The following NCAM2 variants were observed in gnomAD, a reference collection of about 807,000 sequenced individuals.
NCAM2 encodes N-CAM-2.
NCAM2 carries 30 observed loss-of-function variants against 98.1 expected under a neutral mutation model. The ratio of observed to expected loss-of-function variants is 0.31; its 90% confidence interval spans 0.23 to 0.41. The LOEUF is 0.41. Ranked by LOEUF, NCAM2 falls within the 10% of genes least tolerant of loss-of-function variation. NCAM2 has a pLI of 1.00. For synonymous variants in NCAM2, 368 were observed against 342.4 expected, an observed-to-expected ratio of 1.07 and a Z score of -0.83; for missense variants, 867 against 1,005.8, an observed-to-expected ratio of 0.86 and a Z score of 1.87.
At chr21:21,313,069 AT>A (rs1332508146) in intron 5 of NCAM2, among the ~76,000 whole-genome samples, 1 of 151,858 alleles carries the variant, frequency 6.6e-6, no homozygotes. Context: ...CTGTGCTGAT[AT>A]CTCTTCTTTC....
intron 1 of NCAM2, among the ~76,000 whole-genome samples, chr21:21,075,057 A>C (rs780883275): frequency 6.6e-6 from 1 of 152,146 alleles, no homozygotes; most frequent in Non-Finnish European, 1.5e-5. Context: ...TGAAGCTGGA[A>C]ACCATCATTC....
intron 1 of NCAM2, among the ~76,000 whole-genome samples, chr21:21,141,472 C>T (rs921409835): frequency 6.6e-6 from 1 of 152,074 alleles, no homozygotes; most frequent in Non-Finnish European, 1.5e-5. Context: ...ACCAGTGATA[C>T]CAGAAAGGCA....
At chr21:21,446,756 A>G (rs1393854202) in intron 12 of NCAM2, among the ~76,000 whole-genome samples, 2 of 152,132 alleles carry the variant, frequency 1.3e-5, no homozygotes, top group Non-Finnish European at 2.9e-5. Flanking sequence ...TTACACCAAC[A>G]GTAGACAAGC....
intron 16 of NCAM2, among the ~76,000 whole-genome samples, chr21:21,530,179 T>C (rs1258938871): frequency 3.7e-5 from 5 of 134,364 alleles, no homozygotes; most frequent in South Asian, 2.2e-4. Flanking sequence ...TTTAATTATA[T>C]ATGATTTAAT....
At chr21:21,212,892 G>A (rs1302828842) in intron 1 of NCAM2, among the ~76,000 whole-genome samples, 9 of 151,894 alleles carry the variant, frequency 5.9e-5, no homozygotes, top group East Asian at 1.9e-4. Flanking sequence ...ACAGGTACCC[G>A]ACACCACGTG....
chr21:21,467,714 T>C (rs1983903481), intron 13 of NCAM2, among the ~76,000 whole-genome samples: 1 of 151,446 alleles, frequency 6.6e-6, no homozygotes, highest in African/African-American at 2.4e-5. Flanking sequence ...CAGCTGGGTG[T>C]GGTGGTATGC....
intron 1 of NCAM2, among the ~76,000 whole-genome samples, chr21:21,124,487 C>G (rs974964806): frequency 6.6e-6 from 1 of 151,972 alleles, no homozygotes; most frequent in Non-Finnish European, 1.5e-5. Context: ...GGTCAGCTTT[C>G]GAGGGCTACA....
chr21:21,245,107 A>T (rs907094244), intron 1 of NCAM2, among the ~76,000 whole-genome samples: 1 of 152,074 alleles, frequency 6.6e-6, no homozygotes, highest in African/African-American at 2.4e-5. Flanking sequence ...TCATTTTTCT[A>T]TGTGGCGGCC....
rs116142310 is a variant in NCAM2, at chr21:21,377,127, C to G, written c.1195+3114C>G. Among the ~76,000 whole-genome samples, 1,236 of 151,608 alleles carry G rather than the reference C, an allele frequency of 8.2e-3. 17 individuals carry two copies. Among genetic ancestry groups the G allele is most frequent in the African/African-American group, 0.029 (1,186 of 41,438 alleles). ...CCAAAATGAAACATTCAAATTTATTCTACTTGAGTGGGGATAATTAGAAAA... is the reference window on the plus strand; with the variant it reads ...CCAAAATGAAACATTCAAATTTATTGTACTTGAGTGGGGATAATTAGAAAA... On this transcript the variant is annotated intron_variant, in intron 9 of 17. Coordinates refer to ENST00000400546, the MANE Select transcript of NCAM2 (RefSeq NM_004540.5).
chr21:21,331,778 G>C (rs975808472), intron 6 of NCAM2, among the ~76,000 whole-genome samples: 8 of 148,938 alleles, frequency 5.4e-5, no homozygotes, highest in Non-Finnish European at 8.9e-5. Context: ...GTAGAGATGG[G>C]GTTTTGGTAT....
intron 9 of NCAM2, among the ~76,000 whole-genome samples, chr21:21,383,863 A>G (rs1057434527): frequency 3.9e-5 from 6 of 152,052 alleles, no homozygotes; most frequent in African/African-American, 1.4e-4. Context: ...TACATCATAT[A>G]TTCTCAAAAA....
At position 21,010,757 on chromosome 21, in the gene NCAM2, A is replaced by G. The variant is rs150424192; in HGVS notation, c.55+12139A>G. Among the ~76,000 whole-genome samples, 373 of 152,178 alleles carry G rather than the reference A, an allele frequency of 2.5e-3. 3 individuals are homozygous for G. Among genetic ancestry groups the G allele is most frequent in the Admixed American group, 3.7e-3 (56 of 15,266 alleles). ...TCTAAGTCTCAGGTGATGGACATGG[A>G]TGTGGATGTGTGATGGAAGAAGATA... On this transcript the variant is annotated intron_variant, in intron 1 of 17. Coordinates refer to ENST00000400546, the MANE Select transcript of NCAM2 (RefSeq NM_004540.5).
At chr21:21,381,765 C>G (rs996494837) in intron 9 of NCAM2, among the ~76,000 whole-genome samples, 9 of 152,052 alleles carry the variant, frequency 5.9e-5, no homozygotes, top group Non-Finnish European at 1.2e-4. Context: ...TTTTAAAGAA[C>G]TAAAAAAATA....
chr21:21,256,304 C>T (rs148783767), intron 1 of NCAM2, among the ~76,000 whole-genome samples: 2,147 of 151,994 alleles, frequency 0.014, 45 homozygotes, highest in African/African-American at 0.049. Flanking sequence ...TGCAGTGAGC[C>T]GAGATCACGC....
At chr21:21,338,652 G>T in intron 8 of NCAM2, 118 bp downstream of exon 8, 1 of 1,092,864 alleles carries the variant, frequency 9.2e-7, no homozygotes, top group Non-Finnish European at 1.3e-6. Flanking sequence ...CAAATAAATG[G>T]TTTGATTTTT....
intron 1 of NCAM2, among the ~76,000 whole-genome samples, chr21:21,087,010 G>T (rs1384899208): frequency 6.7e-6 from 1 of 149,912 alleles, no homozygotes; most frequent in Admixed American, 6.7e-5. Flanking sequence ...ATCTAACATT[G>T]TAACCTGTCT....
chr21:21,295,872 A>G (rs923172179), intron 5 of NCAM2, among the ~76,000 whole-genome samples: 6 of 151,548 alleles, frequency 4.0e-5, no homozygotes, highest in African/African-American at 1.5e-4. Context: ...TAAACAATCA[A>G]TTTAAGCACC....
At position 21,506,068 on chromosome 21, in the gene NCAM2, G is replaced by A. The variant is rs534326675; in HGVS notation, c.2078-2783G>A. On this transcript the variant is annotated intron_variant, in intron 15 of 17. Transcript: ENST00000400546. Reference sequence around the variant, plus strand: ...CTTCATACTTAGGAAAGGTAAATGGGAATGTGTATAATAAATCAGATATAT... The same window carrying A: ...CTTCATACTTAGGAAAGGTAAATGGAAATGTGTATAATAAATCAGATATAT... 2.0e-5 allele frequency among the ~76,000 whole-genome samples: 3 copies of A among 152,114 alleles called. 1 individual carries two copies. In the South Asian group the frequency reaches 6.2e-4, roughly 32 times the overall value.
At chr21:21,237,946 A>ATTTTT (rs1300891961) in intron 1 of NCAM2, among the ~76,000 whole-genome samples, 1 of 77,224 alleles carries the variant, frequency 1.3e-5, no homozygotes, top group African/African-American at 4.9e-5. Context: ...GGGCATTGTA[A>ATTTTT]TTCTTTTTTT....
Sources: gnomAD v4.1 joint callset for allele counts (sites outside exome capture counted in the v4.1 genomes callset) on GRCh38, gnomAD v4.1.1 for gene constraint, MANE v1.5 for transcripts, NCBI Gene and HGNC (gene_info 2026-07-23, HGNC 2026-07-21) for gene names.